Variants in ADPRHL1 observed in about 807,000 individuals in gnomAD.
ADPRHL1 encodes inactive ADP-ribosyltransferase ARH2.
A neutral mutation model predicts 44.1 loss-of-function variants in ADPRHL1; 43 were observed. That is an observed-to-expected ratio of 0.98 (90% CI 0.76 to 1.26). The LOEUF (loss-of-function observed/expected upper bound fraction) is 1.26, where lower values mean the gene tolerates loss of function less well. Among genes scored for constraint, ADPRHL1 ranks in the 50% most tolerant of loss-of-function variants. The pLI, the probability that ADPRHL1 is intolerant of heterozygous loss-of-function variation, is 0.00. For synonymous variants in ADPRHL1, 878 were observed against 1,017.4 expected (o/e 0.86, Z 2.61); for missense variants, 2,022 against 2,496.9 (o/e 0.81, Z 4.05).
In ADPRHL1 at chr13:113,433,748, G is replaced by A; in HGVS notation, c.499C>T (p.Pro167Ser). Residue 167 changes from proline to serine, a missense_variant, in exon 3 of 8, where the codon CCC becomes TCC. By Grantham distance (74) the Pro-to-Ser change is moderately conservative (BLOSUM62 -1). Around this residue, in one of 8 missense-constraint regions of ADPRHL1, gnomAD observed 437 missense variants for 430.7 expected, o/e 1.01. Coordinates refer to ENST00000612156, the MANE Select transcript of ADPRHL1 (RefSeq NM_001394807.1). ...ACCCCCCGCCCACACTTACCTGTGG[G>A]ATGGTTGTGGGTCATCCGGCCGCAC... ...VECGRMTHNH[P>S]TGFLGSLCTA... 1 of 1,591,712 alleles carries A rather than the reference G, an allele frequency of 6.3e-7. No individual in the cohort carries two copies. The highest frequency in any genetic ancestry group is 2.0e-4 in the Middle Eastern group (1 of 5,034).
Position 113,405,920 on chromosome 13 carries a change from G to T in ADPRHL1, c.3362C>A (p.Ala1121Glu). Residue 1121 changes from alanine (A) to glutamate (E), a missense_variant, in exon 8 of 8, where the codon GCG becomes GAG. Transcript: ENST00000612156. ...CGAMAAAGSV[A>E]SRATPAPAPG... The stretch of plus-strand genomic sequence containing the variant: ...CGCTGGTGCAGGCGTGGCGCGGCTC[G>T]CAACGCTCCCTGCAGCTGCCATCGC... The T allele has an allele frequency of 4.1e-6, 5 of 1,232,054 alleles. No individual in the cohort carries two copies. Among genetic ancestry groups the T allele is most frequent in the Non-Finnish European group, 5.1e-6 (5 of 988,074 alleles). 76.3% of individuals were successfully genotyped at this position (1,232,054 alleles called of 1,614,324 possible).
At chr13:113,446,321 T>C (rs938823034) in intron 1 of ADPRHL1, among the ~76,000 whole-genome samples, 3 of 149,840 alleles carry the variant, frequency 2.0e-5, no homozygotes, top group African/African-American at 7.4e-5. Flanking sequence ...CCCATGGCTG[T>C]GAACCCCCCA....
In ADPRHL1 at chr13:113,405,128, G is replaced by A; in HGVS notation, c.4154C>T (p.Ala1385Val). ...ADLGRQQSHQ[A>V]QEETPQPGDA... ...CCCGGGCTGGGGGGTCTCCTCCTGT[G>A]CCTGGTGACTCTGTTGCCTCCCCAG... is the stretch of plus-strand genomic sequence containing the variant. Residue 1385 changes from alanine to valine, a missense_variant, in exon 8 of 8, where the codon GCA becomes GTA. By Grantham distance (64) the Ala-to-Val change is moderately conservative. This residue lies in a region of ADPRHL1 where 1,221 missense variants were observed against 1,517.8 expected (regional missense o/e 0.80). Coordinates refer to ENST00000612156, the MANE Select transcript of ADPRHL1 (RefSeq NM_001394807.1). 1 of 1,232,232 alleles carries A rather than the reference G, an allele frequency of 8.1e-7. No homozygotes were observed. Among genetic ancestry groups the A allele is most frequent in the African/African-American group, 1.5e-5 (1 of 64,564 alleles). The allele number at this position is 1,232,232 out of a possible 1,614,324, so 76.3% of individuals were successfully genotyped here.
chr13:113,438,329 G>A (rs955098028), intron 2 of ADPRHL1, among the ~76,000 whole-genome samples: 1 of 152,176 alleles, frequency 6.6e-6, no homozygotes, highest in Non-Finnish European at 1.5e-5. Context: ...AAGATGGTGA[G>A]CATGATTTTG....
chr13:113,408,741 A>G (rs906374615), intron 7 of ADPRHL1, among the ~76,000 whole-genome samples: 1 of 151,970 alleles, frequency 6.6e-6, no homozygotes, highest in African/African-American at 2.4e-5. Context: ...AGATTCAGCA[A>G]ACCGCTCAGG....
At chr13:113,415,889 C>G (rs1300543772) in intron 7 of ADPRHL1, among the ~76,000 whole-genome samples, 1 of 151,684 alleles carries the variant, frequency 6.6e-6, no homozygotes, top group African/African-American at 2.4e-5. Flanking sequence ...TATACTTGAT[C>G]TTAGCCCAAA....
chr13:113,433,962 T>C, intron 2 of ADPRHL1, 95 bp from the exon 3 acceptor site: 3 of 1,429,298 alleles, frequency 2.1e-6, no homozygotes, highest in Non-Finnish European at 2.8e-6. Flanking sequence ...AGTAGAAAAA[T>C]TTGTGTAATA....
intron 2 of ADPRHL1, 151 bp downstream of exon 2, chr13:113,444,274 G>T: frequency 9.1e-7 from 1 of 1,104,654 alleles, no homozygotes; most frequent in Non-Finnish European, 1.3e-6. Flanking sequence ...GGGCTGACCA[G>T]GAGGGGCCCC....
intron 7 of ADPRHL1, 112 bp from the exon 8 acceptor site, chr13:113,408,332 G>A (rs367729784): frequency 1.4e-5 from 15 of 1,108,630 alleles, no homozygotes; most frequent in Non-Finnish European, 1.7e-5. Context: ...CAAAAGTCTG[G>A]TAGGGAGAAA....
intron 7 of ADPRHL1, among the ~76,000 whole-genome samples, chr13:113,418,305 G>C (rs1400540116): frequency 6.6e-6 from 1 of 152,134 alleles, no homozygotes; most frequent in Non-Finnish European, 1.5e-5. Context: ...TGGCCATTAG[G>C]GAGCCTGCAG....
chr13:113,444,870 A>G lies in ADPRHL1; in HGVS notation c.215-281T>C, dbSNP rs111460411. On this transcript the variant is annotated intron_variant, in intron 1 of 7. Coordinates refer to ENST00000612156, the MANE Select transcript of ADPRHL1 (RefSeq NM_001394807.1). ...GATCTCCTGACCTTGTGATCTGCCCACCTCAGCCTCCCAAAGTGCTGGGAT... is the reference window on the plus strand; with the variant it reads ...GATCTCCTGACCTTGTGATCTGCCCGCCTCAGCCTCCCAAAGTGCTGGGAT... 6.1e-3 allele frequency among the ~76,000 whole-genome samples: 928 copies of G among 151,872 alleles called. 10 individuals are homozygous for G. The highest frequency in any genetic ancestry group is 0.021 in the African/African-American group (849 of 41,284).
Position 113,453,215 on chromosome 13 carries a change from C to T in ADPRHL1, c.214+9G>A, listed in dbSNP as rs776878159. The T allele has an allele frequency of 1.2e-6, 2 of 1,613,864 alleles. No individual in the cohort carries two copies. The highest frequency in any genetic ancestry group is 2.2e-5 in the South Asian group (2 of 91,044). On this transcript the variant is annotated intron_variant, in intron 1 of 7. Coordinates refer to ENST00000612156, the MANE Select transcript of ADPRHL1 (RefSeq NM_001394807.1). This position sits in a 1 kb window ranked among gnomAD's most constrained non-coding sequence, Gnocchi z 5.4. Reference sequence around the variant, plus strand: ...GCCCGCACACCGGAGCGCGGTGGGCCCAGCCTACCTGTGGTGAGGGCCTCG... The same window carrying T: ...GCCCGCACACCGGAGCGCGGTGGGCTCAGCCTACCTGTGGTGAGGGCCTCG...
intron 2 of ADPRHL1, among the ~76,000 whole-genome samples, chr13:113,437,748 C>T (rs905027093): frequency 2.1e-4 from 32 of 152,240 alleles, no homozygotes; most frequent in African/African-American, 7.5e-4. Context: ...GAGCATGAGG[C>T]ACCAGATCCT....
At chr13:113,431,241 A>AC (rs1233972972) in intron 3 of ADPRHL1, among the ~76,000 whole-genome samples, 1 of 152,102 alleles carries the variant, frequency 6.6e-6, no homozygotes, top group African/African-American at 2.4e-5. Context: ...GGAAAAGATG[A>AC]CCCTAAGCCC....
At chr13:113,410,381 G>A (rs112440645) in intron 7 of ADPRHL1, among the ~76,000 whole-genome samples, 10 of 152,228 alleles carry the variant, frequency 6.6e-5, no homozygotes, top group South Asian at 2.1e-4. Flanking sequence ...GCATTTTAAC[G>A]AGTCCCTGGT....
chr13:113,406,222 A>G lies in ADPRHL1; in HGVS notation c.3060T>C (p.His1020=). 8.1e-7 allele frequency: 1 copy of G among 1,232,146 alleles called. No individual in the cohort carries two copies. Among genetic ancestry groups the G allele is most frequent in the Non-Finnish European group, 1.0e-6 (1 of 988,006 alleles). 76.3% of individuals were successfully genotyped at this position (1,232,146 alleles called of 1,614,324 possible). A position where few individuals can be genotyped will look rare whatever the true frequency, so the allele number is the denominator to read the frequency against. The change falls in exon 8 of 8, where the codon CAT becomes CAC. Residue 1020 remains histidine, a synonymous_variant. Transcript: ENST00000612156. ...SQNLLRGNTS[H]ASSSQQVPSP... is the part of the protein sequence containing the mutation. ...ACGGCACTTGCTGGCTGCTGGAGGC[A>G]TGGCTGGTGTTTCCCCTCAGAAGGT...
rs368874484 is a variant in ADPRHL1 at position 113,400,300 on chromosome 13, C to A, written c.*3078G>T. The A allele has an allele frequency of 6.6e-6, 1 of 151,076 alleles. No individual in the cohort carries two copies. Among genetic ancestry groups the A allele is most frequent in the African/African-American group, 2.4e-5 (1 of 41,190 alleles). The allele number at this position is 151,076 out of a possible 1,614,324, so 9.4% of individuals were successfully genotyped here. ...AGCTGGGACTACAGGCACCCACCAC[C>A]ACGCCCGGCTAATTTTTGTATTTTT... On this transcript the variant is annotated 3_prime_UTR_variant, in exon 8 of 8. Coordinates refer to ENST00000612156, the MANE Select transcript of ADPRHL1 (RefSeq NM_001394807.1).
Position 113,404,440 on chromosome 13 carries a change from T to A in ADPRHL1, c.4842A>T (p.Gly1614=). ...TTATCTGGGTCTGCCACTGGGCCTG[T>A]CCCTGAGCCTCTTCCTGGGCCCATT... is the stretch of plus-strand genomic sequence containing the variant. The part of the protein sequence containing the change: ...VQKWAQEEAQ[G]QAQWQTQIKA... Residue 1614 remains glycine, a synonymous_variant, in exon 8 of 8, where the codon GGA becomes GGT. Coordinates refer to ENST00000612156, the MANE Select transcript of ADPRHL1 (RefSeq NM_001394807.1). 7.6e-7 allele frequency: 1 copy of A among 1,318,340 alleles called. No individual in the cohort carries two copies. The highest frequency in any genetic ancestry group is 9.6e-7 in the Non-Finnish European group (1 of 1,041,438). The allele number at this position is 1,318,340 out of a possible 1,614,324, so 81.7% of individuals were successfully genotyped here.
chr13:113,421,333 A>ACCC (rs141721455), intron 7 of ADPRHL1, among the ~76,000 whole-genome samples: 2 of 40,572 alleles, frequency 4.9e-5, no homozygotes, highest in Non-Finnish European at 9.3e-5. Context: ...GGACACGCCC[A>ACCC]CCCCCGGGAC....
Sources: gnomAD v4.1 joint callset for allele counts (sites outside exome capture counted in the v4.1 genomes callset) on GRCh38, gnomAD v4.1.1 for gene constraint, gnomAD v4.1.1 regional missense constraint, Gnocchi (gnomAD v3.1) non-coding constraint, MANE v1.5 for transcripts, NCBI Gene and HGNC (gene_info 2026-07-23, HGNC 2026-07-21) for gene names.